The following PCLO variants were observed in gnomAD, a reference collection of about 807,000 sequenced individuals.
The protein encoded by PCLO is protein piccolo.
In PCLO, 82 loss-of-function variants were observed where a neutral mutation model predicts 427.5. That is an observed-to-expected ratio of 0.19 (90% confidence interval 0.16 to 0.23). The LOEUF (loss-of-function observed/expected upper bound fraction) is 0.23. Among genes scored for constraint, PCLO ranks in the 10% least tolerant of loss-of-function variants. The probability of loss-of-function intolerance (pLI) is 1.00; values close to 1 mark genes in which losing one functional copy is unlikely to be tolerated. For missense variants in PCLO, 6,239 were observed against 6,115.9 expected (o/e 1.02, Z -0.67); for synonymous variants, 2,357 against 2,155.4 (o/e 1.09, Z -2.59).
intron 3 of PCLO, among the ~76,000 whole-genome samples, chr7:83,114,342 G>A (rs1791079414): frequency 1.3e-5 from 2 of 151,952 alleles, no homozygotes; most frequent in Admixed American, 1.3e-4. Flanking sequence ...AAGAGAAAGT[G>A]ATATTTGGGA....
chr7:82,801,209 T>TTTTTTTTTTTTTTTTTTG (rs1265299292), intron 22 of PCLO, among the ~76,000 whole-genome samples: 1 of 147,282 alleles, frequency 6.8e-6, no homozygotes, highest in African/African-American at 2.4e-5. Context: ...GTTATATTTT[T>TTTTTTTTTTTTTTTTTTG]AAGTTCAAGA....
At chr7:83,016,118 A>G (rs41600) in intron 3 of PCLO, among the ~76,000 whole-genome samples, 42,482 of 152,044 alleles carry the variant, frequency 0.28, 6,420 homozygotes, top group Middle Eastern at 0.45. Context: ...TGAGTTCCTC[A>G]TGTAAGAAAG....
intron 3 of PCLO, among the ~76,000 whole-genome samples, chr7:83,115,545 A>T (rs1253203515): frequency 1.3e-5 from 2 of 152,090 alleles, no homozygotes; most frequent in East Asian, 3.8e-4. Flanking sequence ...TTAAACGAAC[A>T]TCTCTTCTTT....
chr7:82,953,273 T>C lies in PCLO; in HGVS notation c.7680A>G (p.Pro2560=). The C allele has an allele frequency of 6.2e-7, 1 of 1,613,294 alleles. No individual in the cohort carries two copies. Among genetic ancestry groups the C allele is most frequent in the East Asian group, 2.2e-5 (1 of 44,796 alleles). Residue 2560 remains proline, a synonymous_variant, in exon 5 of 25, where the codon CCA becomes CCG. Coordinates refer to ENST00000333891, the MANE Select transcript of PCLO (RefSeq NM_033026.6). ...AAGACTTGTTGGAGTGTGGGGAAAG[T>C]GGGGAGGTAGGGGAAGGCAATTTAT... The part of the protein sequence containing the change: ...ADYKLPSPTS[P]LSPHSNKSSP...
chr7:83,034,846 G>A (rs886822112), intron 3 of PCLO, among the ~76,000 whole-genome samples: 6 of 152,192 alleles, frequency 3.9e-5, no homozygotes, highest in Non-Finnish European at 7.3e-5. Flanking sequence ...AAAATGCACT[G>A]AATGTTCTGT....
chr7:83,033,402 G>A (rs187944068), intron 3 of PCLO, among the ~76,000 whole-genome samples: 2 of 152,070 alleles, frequency 1.3e-5, no homozygotes, highest in African/African-American at 4.8e-5. Flanking sequence ...CTGAACACCT[G>A]GTATCTGTTA....
At chr7:82,790,979 A>T (rs1791089281) in intron 22 of PCLO, among the ~76,000 whole-genome samples, 1 of 152,210 alleles carries the variant, frequency 6.6e-6, no homozygotes, top group Non-Finnish European at 1.5e-5. Context: ...TATGTTATTA[A>T]GGTTGGTTTA....
intron 2 of PCLO, among the ~76,000 whole-genome samples, chr7:83,136,513 C>G (rs139587827): frequency 1.4e-4 from 21 of 152,040 alleles, no homozygotes; most frequent in Admixed American, 1.3e-4. Context: ...ATTACTCCCC[C>G]CTCCCAGGTG....
At chr7:82,941,433 G>A (rs1795083566) in intron 6 of PCLO, among the ~76,000 whole-genome samples, 1 of 152,156 alleles carries the variant, frequency 6.6e-6, no homozygotes, top group Admixed American at 6.5e-5. Flanking sequence ...AAAAAAAGCT[G>A]TTAATACTGG....
At chr7:82,948,429 A>G (rs1037086630) in intron 6 of PCLO, among the ~76,000 whole-genome samples, 1 of 152,182 alleles carries the variant, frequency 6.6e-6, no homozygotes, top group Non-Finnish European at 1.5e-5. Flanking sequence ...CATATTTTTC[A>G]GCCCACAGCC....
intron 3 of PCLO, among the ~76,000 whole-genome samples, chr7:83,088,860 G>C (rs902437823): frequency 1.3e-5 from 2 of 151,780 alleles, no homozygotes; most frequent in African/African-American, 4.8e-5. Context: ...ATCTTTTCTA[G>C]GCTATTCTCC....
chr7:83,005,515 T>G (rs1787924178), intron 3 of PCLO, among the ~76,000 whole-genome samples: 1 of 151,570 alleles, frequency 6.6e-6, no homozygotes, highest in African/African-American at 2.4e-5. Flanking sequence ...TGAGTATAGT[T>G]AATTGCAATG....
At position 82,846,548 on chromosome 7, in the gene PCLO, C is replaced by G; in HGVS notation, c.13831+19G>C. The G allele has an allele frequency of 6.5e-7, 1 of 1,540,302 alleles. No individual in the cohort carries two copies. The highest frequency in any genetic ancestry group is 8.9e-7 in the Non-Finnish European group (1 of 1,118,702). On this transcript the variant is annotated intron_variant, in intron 12 of 24. Coordinates refer to ENST00000333891, the MANE Select transcript of PCLO (RefSeq NM_033026.6). ...TCTATCTCTTTATTTACAGTTGAAA[C>G]TAGATTTCTTTTACCTACCAGCTTT...
intron 9 of PCLO, among the ~76,000 whole-genome samples, chr7:82,891,997 C>A (rs1398131473): frequency 2.0e-5 from 3 of 152,130 alleles, no homozygotes; most frequent in Non-Finnish European, 2.9e-5. Flanking sequence ...AATGGCCACA[C>A]TGCCCAAGGT....
chr7:83,047,961 A>G (rs1421039544), intron 3 of PCLO, among the ~76,000 whole-genome samples: 1 of 152,014 alleles, frequency 6.6e-6, no homozygotes, highest in East Asian at 1.9e-4. Flanking sequence ...AAATGCAAGC[A>G]ACAGGTATTT....
intron 15 of PCLO, among the ~76,000 whole-genome samples, chr7:82,837,999 T>C (rs953479847): frequency 1.3e-5 from 2 of 151,964 alleles, no homozygotes; most frequent in African/African-American, 4.8e-5. Context: ...TGGAGGCTGG[T>C]TTCATTATGA....
chr7:82,933,460 T>G (rs1243358532), intron 6 of PCLO, among the ~76,000 whole-genome samples: 1 of 151,982 alleles, frequency 6.6e-6, no homozygotes, highest in Admixed American at 6.6e-5. Context: ...GAAAAATGTC[T>G]TTTTAGGTCT....
chr7:82,952,102 T>G lies in PCLO; in HGVS notation c.8851A>C (p.Arg2951=). 6.2e-7 allele frequency: 1 copy of G among 1,613,964 alleles called. No individual in the cohort carries two copies. ...CDVVYKLPFG[R]SCTAQQPATT... ...GCAGGCTGCTGTGCTGTGCAGCTCC[T>G]TCCAAATGGTAATTTATAAACCACA... is the stretch of plus-strand genomic sequence containing the variant. The change falls in exon 5 of 25, where the codon AGG becomes CGG. Residue 2951 remains arginine, a synonymous_variant. Coordinates refer to ENST00000333891, the MANE Select transcript of PCLO (RefSeq NM_033026.6).
chr7:83,069,910 G>A (rs1034718224), intron 3 of PCLO, among the ~76,000 whole-genome samples: 1 of 151,584 alleles, frequency 6.6e-6, no homozygotes, highest in African/African-American at 2.4e-5. Flanking sequence ...GCCCTGTGGT[G>A]GTTTTAAAGA....
Sources: allele counts gnomAD v4.1 joint callset (sites outside exome capture counted in the v4.1 genomes callset), GRCh38; gene constraint gnomAD v4.1.1; transcripts MANE v1.5; gene names NCBI Gene and HGNC (gene_info 2026-07-23, HGNC 2026-07-21).